Variants in RIOK2 observed in about 807,000 individuals in gnomAD.
The protein encoded by RIOK2 is serine/threonine-protein kinase RIO2.
RIOK2 carries 46 observed loss-of-function variants against 62.4 expected under a neutral mutation model. The observed-to-expected ratio is 0.74, with a 90% CI of 0.58 to 0.94. The LOEUF (loss-of-function observed/expected upper bound fraction) is 0.94, where lower values mean the gene tolerates loss of function less well. RIOK2 is among the 40% of genes least tolerant of loss of function. The pLI, the probability that RIOK2 is intolerant of heterozygous loss-of-function variation, is 0.00. For missense variants in RIOK2, 574 were observed against 658.0 expected, an observed-to-expected ratio of 0.87 and a Z score of 1.40; for synonymous variants, 197 against 216.0, an observed-to-expected ratio of 0.91 and a Z score of 0.77.
chr5:97,164,997 C>T (rs776507105), intron 9 of RIOK2, 54 bp downstream of exon 9: 19 of 1,140,196 alleles, frequency 1.7e-5, no homozygotes, highest in Non-Finnish European at 2.4e-5. Flanking sequence ...ACAAGGCAAT[C>T]AGATCACAGT....
chr5:97,168,918 A>G lies in RIOK2; in HGVS notation c.780-66T>C, dbSNP rs1580268492. 2 of 896,774 alleles carry G rather than the reference A, an allele frequency of 2.2e-6. 1 individual carries two copies. Among genetic ancestry groups the G allele is most frequent in the African/African-American group, 3.4e-5 (2 of 59,196 alleles). The allele number at this position is 896,774 out of a possible 1,614,324, so 55.6% of individuals were successfully genotyped here. A position where few individuals can be genotyped will look rare whatever the true frequency, so the allele number is the denominator to read the frequency against. Reference sequence around the variant, plus strand: ...TCCTCTTTTTCCTTATTAGCCAATGACAATATACTTATTGGTTAATGGTAT... The same window carrying G: ...TCCTCTTTTTCCTTATTAGCCAATGGCAATATACTTATTGGTTAATGGTAT... On this transcript the variant is annotated intron_variant, in intron 6 of 9. Coordinates refer to ENST00000283109, the MANE Select transcript of RIOK2 (RefSeq NM_018343.3).
At position 97,167,834 on chromosome 5, in the gene RIOK2, T is replaced by C; in HGVS notation, c.1030A>G (p.Lys344Glu). Residue 344 changes from lysine to glutamate, a missense_variant, in exon 8 of 10, where the codon AAA becomes GAA. By Grantham distance (56) the Lys-to-Glu change is moderately conservative. Coordinates refer to ENST00000283109, the MANE Select transcript of RIOK2 (RefSeq NM_018343.3). Reference sequence around the variant, plus strand: ...TTTTCTGACCCGTAAACCTCTGCTTTTTCTGCCACTTCTCCATCTGAAAAT... The same window carrying C: ...TTTTCTGACCCGTAAACCTCTGCTTCTTCTGCCACTTCTCCATCTGAAAAT... ...FSFSDGEVAE[K>E]AEVYGSENES... is the part of the protein sequence containing the mutation. 1 of 1,614,154 alleles carries C rather than the reference T, an allele frequency of 6.2e-7. No homozygotes were observed. Among genetic ancestry groups the C allele is most frequent in the South Asian group, 1.1e-5 (1 of 91,084 alleles).
intron 2 of RIOK2, 59 bp downstream of exon 2, chr5:97,178,996 C>A: frequency 6.2e-7 from 1 of 1,602,730 alleles, no homozygotes; most frequent in Non-Finnish European, 8.5e-7. Flanking sequence ...TTTTGGAACA[C>A]TTGCTCTGGT....
At chr5:97,182,784 G>A (rs527517691) in intron 1 of RIOK2, 3 of 236,480 alleles carry the variant, frequency 1.3e-5, no homozygotes, top group South Asian at 5.0e-5. Context: ...ATCTCGGGGG[G>A]GGGGGGGGGC....
intron 1 of RIOK2, among the ~76,000 whole-genome samples, chr5:97,179,991 A>T (rs13158434): frequency 0.013 from 542 of 42,820 alleles, 27 homozygotes; most frequent in African/African-American, 0.054. Context: ...TATATATATA[A>T]AATATATATA....
intron 1 of RIOK2, among the ~76,000 whole-genome samples, chr5:97,180,142 G>GTATATATATATATA (rs372779229): frequency 1.0e-5 from 1 of 96,070 alleles, no homozygotes; most frequent in Non-Finnish European, 2.0e-5. Flanking sequence ...ATATATATAT[G>GTATATATATATATA]TATATATATA....
chr5:97,167,496 C>A lies in RIOK2; in HGVS notation c.1368G>T (p.Ser456=). The A allele has an allele frequency of 5.0e-6, 8 of 1,614,104 alleles. No homozygotes were observed. The highest frequency in any genetic ancestry group is 1.1e-5 in the South Asian group (1 of 91,080). The change falls in exon 8 of 10, where the codon TCG becomes TCT. Residue 456 remains serine, a synonymous_variant. Transcript: ENST00000283109. ...EDECPHLIAL[S]SLNREFRPFR... is the part of the protein sequence containing the mutation. ...AAGGCCTGAATTCTCTATTTAATGA[C>A]GACAAGGCAATTAGATGAGGGCATT...
chr5:97,168,429 GA>G (rs1443176378), intron 7 of RIOK2, among the ~76,000 whole-genome samples: 1 of 150,528 alleles, frequency 6.6e-6, no homozygotes, highest in Non-Finnish European at 1.5e-5. Flanking sequence ...CCTGGTCCTT[GA>G]TAAAGGAAAA....
Position 97,163,144 on chromosome 5 carries a change from C to A in RIOK2, c.1576G>T (p.Ala526Ser). The stretch of plus-strand genomic sequence containing the variant: ...CTACGTTGCTTGGTAAATATATTTG[C>A]TTCTCCTTTCTGCAATCGACGTCTG... ...AVRRRLQKGEANIFTKQRREN... is the reference protein window; with the variant it reads ...AVRRRLQKGESNIFTKQRREN... The change falls in exon 10 of 10, where the codon GCA (alanine) becomes TCA (serine). Residue 526 changes from alanine to serine, a missense_variant. Transcript: ENST00000283109. 1 of 1,613,626 alleles carries A rather than the reference C, an allele frequency of 6.2e-7. No individual in the cohort carries two copies. The highest frequency in any genetic ancestry group is 8.5e-7 in the Non-Finnish European group (1 of 1,179,810).
chr5:97,176,566 C>T (rs939051394), intron 4 of RIOK2, among the ~76,000 whole-genome samples: 1 of 152,126 alleles, frequency 6.6e-6, no homozygotes, highest in South Asian at 2.1e-4. Flanking sequence ...GGGCTCCTTA[C>T]CTCAAGTAAT....
rs1749269133 is a variant in RIOK2, at chr5:97,179,288, C to T, written c.67-95G>A. The T allele has an allele frequency of 3.6e-6, 4 of 1,101,560 alleles. No individual in the cohort carries two copies. The African/African-American group carries it at 4.8e-5, about 13-fold the overall frequency. The allele number at this position is 1,101,560 out of a possible 1,614,324, so 68.2% of individuals were successfully genotyped here. A position where few individuals can be genotyped will look rare whatever the true frequency, so the allele number is the denominator to read the frequency against. ...TAACTTCTCCTTGAAGCTTTCCTGA[C>T]TATGCAGTTCTCCAACTAATTCTGA... is the stretch of plus-strand genomic sequence containing the variant. On this transcript the variant is annotated intron_variant, in intron 1 of 9. Transcript: ENST00000283109.
intron 8 of RIOK2, chr5:97,166,972 G>A (rs1307689423): frequency 2.7e-6 from 2 of 732,356 alleles, no homozygotes; most frequent in Non-Finnish European, 3.3e-6. Flanking sequence ...CTGGAGTGCA[G>A]TGGTACGATC....
chr5:97,172,491 C>T (rs1298982220), intron 5 of RIOK2, among the ~76,000 whole-genome samples: 1 of 152,206 alleles, frequency 6.6e-6, no homozygotes, highest in Non-Finnish European at 1.5e-5. Context: ...TTTTCATCAC[C>T]TTCACAACTA....
In RIOK2 at chr5:97,171,357, C is replaced by CATAT; in HGVS notation, c.624_627dup (p.Asp210IlefsTer2). On this transcript the variant is annotated frameshift_variant, in exon 6 of 10. Transcript: ENST00000283109. LOFTEE classifies it high-confidence loss of function. The stretch of plus-strand genomic sequence containing the variant: ...TTGACAATTAGTTCCATAGCTTCAT[C>CATAT]ATATACTGATGCAGGATCTTCAACA... 6.3e-7 allele frequency: 1 copy of CATAT among 1,582,902 alleles called. No homozygotes were observed. The highest frequency in any genetic ancestry group is 2.3e-5 in the East Asian group (1 of 43,998).
At chr5:97,173,701 C>T (rs887548478) in intron 4 of RIOK2, among the ~76,000 whole-genome samples, 21 of 152,088 alleles carry the variant, frequency 1.4e-4, no homozygotes, top group African/African-American at 3.9e-4. Context: ...TACTCATCTT[C>T]GGACATATTA....
In RIOK2 at chr5:97,177,761, C is replaced by A. The variant is rs775103909; in HGVS notation, c.293G>T (p.Gly98Val). ...TTCTTTGCCAACACCCATCTGGTTT[C>A]CAACAGACTCAACTACTTGCCTAGA... The part of the protein sequence containing the change: ...LSSRQVVESV[G>V]NQMGVGKESD... Residue 98 changes from glycine (G) to valine (V), a missense_variant, in exon 3 of 10, where the codon GGA becomes GTA. Transcript: ENST00000283109. 3.1e-6 allele frequency: 5 copies of A among 1,611,858 alleles called. No individual in the cohort carries two copies. In the East Asian group the frequency reaches 1.1e-4, roughly 36 times the overall value.
intron 4 of RIOK2, 85 bp from the exon 5 acceptor site, chr5:97,173,348 C>T (rs1365289083): frequency 2.4e-6 from 2 of 841,618 alleles, no homozygotes; most frequent in African/African-American, 1.8e-5. Flanking sequence ...CTTTCTACAA[C>T]CAGAAAAAAA....
chr5:97,167,558 C>T lies in RIOK2; in HGVS notation c.1306G>A (p.Gly436Arg). 2 of 1,614,182 alleles carry T rather than the reference C, an allele frequency of 1.2e-6. No homozygotes were observed. The highest frequency in any genetic ancestry group is 1.7e-6 in the Non-Finnish European group (2 of 1,180,006). The change falls in exon 8 of 10, where the codon GGA (glycine) becomes AGA (arginine). Residue 436 changes from glycine to arginine, a missense_variant. Physicochemically the swap from Gly to Arg is moderately radical, Grantham distance 125 (BLOSUM62 -2). Transcript: ENST00000283109. ...TCGTCAGAGCCAGCAGGGACTCCTCCTTGAACTCTCTGACCATCTTGCCTG... is the reference window on the plus strand; with the variant it reads ...TCGTCAGAGCCAGCAGGGACTCCTCTTTGAACTCTCTGACCATCTTGCCTG... ...YNRQDGQRVQ[G>R]GVPAGSDEYE...
chr5:97,175,973 C>T (rs564103914), intron 4 of RIOK2: 8 of 151,712 alleles, frequency 5.3e-5, no homozygotes, highest in East Asian at 1.9e-4. Flanking sequence ...AAATGTAGTC[C>T]GCCAGTGCCA....
Sources: allele counts gnomAD v4.1 joint callset (sites outside exome capture counted in the v4.1 genomes callset), GRCh38; gene constraint gnomAD v4.1.1; transcripts MANE v1.5; gene names NCBI Gene and HGNC (gene_info 2026-07-23, HGNC 2026-07-21).